The following CCM2 variants were observed in gnomAD, a reference collection of about 807,000 sequenced individuals.
CCM2 encodes CCM2 scaffold protein.
A neutral mutation model predicts 44.9 loss-of-function variants in CCM2; 25 were observed. The observed-to-expected ratio is 0.56, with a 90% confidence interval of 0.41 to 0.78. CCM2 has a LOEUF of 0.78. CCM2 is among the 30% of genes least tolerant of loss of function. The pLI, the probability that CCM2 is intolerant of heterozygous loss-of-function variation, is 0.00. For missense variants in CCM2, 481 were observed against 580.6 expected, an observed-to-expected ratio of 0.83 and a Z score of 1.76; for synonymous variants, 219 against 241.1, an observed-to-expected ratio of 0.91 and a Z score of 0.85.
At chr7:45,033,619 G>A (rs1010347527) in intron 1 of CCM2, among the ~76,000 whole-genome samples, 2 of 152,134 alleles carry the variant, frequency 1.3e-5, no homozygotes, top group African/African-American at 4.8e-5. Flanking sequence ...AATGGTTTAG[G>A]GACAGCCATT....
At chr7:45,071,850 C>T (rs1283721626) in intron 6 of CCM2, 2 of 456,650 alleles carry the variant, frequency 4.4e-6, no homozygotes, top group South Asian at 1.5e-5. Context: ...CCAAATTCTC[C>T]AGGGTCATCT....
At chr7:45,073,593 G>T (rs780091627) in intron 8 of CCM2, 22 bp downstream of exon 8, 3 of 1,559,534 alleles carry the variant, frequency 1.9e-6, no homozygotes, top group Admixed American at 1.7e-5. Context: ...CTGCAGGGAC[G>T]CTGGGCTGCA....
At chr7:45,007,549 C>CT (rs1054329003) in intron 1 of CCM2, among the ~76,000 whole-genome samples, 7 of 151,534 alleles carry the variant, frequency 4.6e-5, no homozygotes, top group Non-Finnish European at 7.4e-5. Flanking sequence ...AAAATGTGAC[C>CT]TTTTTTTTTC....
intron 1 of CCM2, among the ~76,000 whole-genome samples, chr7:45,021,664 AGAGT>A (rs761253287): frequency 1.3e-5 from 2 of 152,032 alleles, no homozygotes; most frequent in Non-Finnish European, 2.9e-5. Flanking sequence ...TGCAGTTTGC[AGAGT>A]GAGTGAGATG....
Position 45,072,491 on chromosome 7 carries a change from C to CA in CCM2, c.746-234dup, listed in dbSNP as rs532828810. 1.4e-3 allele frequency: 900 copies of CA among 625,084 alleles called. 8 individuals are homozygous for CA. In the African/African-American group the frequency reaches 0.015, roughly 10 times the overall value. The allele number at this position is 625,084 out of a possible 1,614,324, so 38.7% of individuals were successfully genotyped here. On this transcript the variant is annotated intron_variant, in intron 6 of 9. Transcript: ENST00000258781. ...ATGTGTACTTCAGCCCAGCGTGCAG[C>CA]AGGATTTGCATTTGCCAGGATCCCC...
chr7:45,028,000 G>A (rs964941813), intron 1 of CCM2, among the ~76,000 whole-genome samples: 4 of 152,166 alleles, frequency 2.6e-5, no homozygotes, highest in Non-Finnish European at 5.9e-5. Context: ...GGCAAGGGGC[G>A]TGTATGGAGA....
At chr7:45,054,386 T>C (rs926941368) in intron 2 of CCM2, among the ~76,000 whole-genome samples, 1 of 151,984 alleles carries the variant, frequency 6.6e-6, no homozygotes, top group South Asian at 2.1e-4. Flanking sequence ...AATCTCAGAA[T>C]CCTGTTCCTT....
rs993376456 is a variant in CCM2 at position 45,027,493 on chromosome 7, CTT to C, written c.31-10758_31-10757del. 3.9e-6 allele frequency: 3 copies of C among 777,578 alleles called. No homozygotes were observed. In the African/African-American group the frequency reaches 5.2e-5, roughly 14 times the overall value. The allele number at this position is 777,578 out of a possible 1,614,324, so 48.2% of individuals were successfully genotyped here. On this transcript the variant is annotated intron_variant, in intron 1 of 9. Coordinates refer to ENST00000258781, the MANE Select transcript of CCM2 (RefSeq NM_031443.4). ...GAAGTAGGGAAAATGAGCTGGTTTACTTTGTGTCTTTTTGTGCATGCAGACTG... is the reference window on the plus strand; with the variant it reads ...GAAGTAGGGAAAATGAGCTGGTTTACTGTGTCTTTTTGTGCATGCAGACTG...
At chr7:45,073,777 G>A (rs528190657) in intron 8 of CCM2, 3 of 591,272 alleles carry the variant, frequency 5.1e-6, no homozygotes, top group East Asian at 5.6e-5. Flanking sequence ...GCTGAGTTGG[G>A]AGTGCTGTGG....
chr7:45,036,921 C>T (rs1262390437), intron 1 of CCM2, among the ~76,000 whole-genome samples: 1 of 152,160 alleles, frequency 6.6e-6, no homozygotes, highest in African/African-American at 2.4e-5. Flanking sequence ...CAGGCACCTG[C>T]AAAAGGAGTG....
chr7:45,022,809 C>T (rs537676208), intron 1 of CCM2, among the ~76,000 whole-genome samples: 240 of 152,074 alleles, frequency 1.6e-3, no homozygotes, highest in African/African-American at 5.3e-3. Flanking sequence ...GGTGCGATCT[C>T]GGCTCACTGC....
intron 1 of CCM2, among the ~76,000 whole-genome samples, chr7:45,004,977 CAA>C (rs905128876): frequency 3.7e-5 from 5 of 134,912 alleles, no homozygotes; most frequent in African/African-American, 5.9e-5. Flanking sequence ...GCCTGGGCGA[CAA>C]GAGTAAGACT....
At position 45,075,802 on chromosome 7, in the gene CCM2, G is replaced by T. The variant is rs775544897; in HGVS notation, c.1080G>T (p.Lys360Asn). Residue 360 changes from lysine to asparagine, a missense_variant, in exon 10 of 10, where the codon AAG (lysine) becomes AAT (asparagine). Lys to Asn is a moderately conservative substitution (Grantham distance 94). Coordinates refer to ENST00000258781, the MANE Select transcript of CCM2 (RefSeq NM_031443.4). ...LLGLRPFIPE[K>N]DSQHFENFLE... is the part of the protein sequence containing the mutation. ...GTCTGAGGCCCTTCATCCCTGAGAA[G>T]GACAGCCAGCACTTCGAGAACTTCC... 1.2e-6 allele frequency: 2 copies of T among 1,613,760 alleles called. No individual in the cohort carries two copies. The highest frequency in any genetic ancestry group is 2.2e-5 in the South Asian group (2 of 91,082).
chr7:45,050,908 G>A (rs944340923), intron 2 of CCM2, among the ~76,000 whole-genome samples: 1 of 152,172 alleles, frequency 6.6e-6, no homozygotes, highest in African/African-American at 2.4e-5. Context: ...AGAGTGAAGG[G>A]GGTAGGGTAG....
intron 2 of CCM2, among the ~76,000 whole-genome samples, chr7:45,058,618 T>G (rs920016856): frequency 1.3e-5 from 2 of 152,114 alleles, no homozygotes; most frequent in Admixed American, 6.6e-5. Flanking sequence ...TGGTTTCCAG[T>G]TTCATAAATA....
At chr7:45,019,563 C>T (rs1796400170) in intron 1 of CCM2, among the ~76,000 whole-genome samples, 1 of 152,110 alleles carries the variant, frequency 6.6e-6, no homozygotes, top group Non-Finnish European at 1.5e-5. Flanking sequence ...TCTTATCTAC[C>T]CTGCAGCTAG....
chr7:45,041,817 T>G (rs1238425398), intron 2 of CCM2, among the ~76,000 whole-genome samples: 1 of 152,158 alleles, frequency 6.6e-6, no homozygotes, highest in Non-Finnish European at 1.5e-5. Context: ...GGAGACCACA[T>G]TGGGTGGGGC....
At chr7:45,069,636 C>A in intron 5 of CCM2, among the ~76,000 whole-genome samples, 190 bp from the exon 6 acceptor site, 1 of 152,228 alleles carries the variant, frequency 6.6e-6, no homozygotes, top group Non-Finnish European at 1.5e-5. Flanking sequence ...TAGATAGAGT[C>A]CTGGGGCAGT....
At chr7:45,075,702 C>T in intron 9 of CCM2, 75 bp from the exon 10 acceptor site, 1 of 1,595,922 alleles carries the variant, frequency 6.3e-7, no homozygotes, top group South Asian at 1.1e-5. Flanking sequence ...TGTCAGGGGG[C>T]TTTGAGCCCT....
Sources: allele counts gnomAD v4.1 joint callset (sites outside exome capture counted in the v4.1 genomes callset), GRCh38; gene constraint gnomAD v4.1.1; transcripts MANE v1.5; gene names NCBI Gene and HGNC (gene_info 2026-07-23, HGNC 2026-07-21).